The following NTRK2 variants were observed in gnomAD, a reference collection of about 807,000 sequenced individuals.
NTRK2 encodes neurotrophic receptor tyrosine kinase 2.
NTRK2 carries 13 observed loss-of-function variants against 94.5 expected under a neutral mutation model. The observed-to-expected ratio is 0.14, with a 90% CI of 0.09 to 0.22. The LOEUF (loss-of-function observed/expected upper bound fraction) is 0.22, where lower values mean the gene tolerates loss of function less well. NTRK2 is among the 10% of genes least tolerant of loss of function. The probability of loss-of-function intolerance (pLI) is 1.00; values close to 1 mark genes in which losing one functional copy is unlikely to be tolerated. For synonymous variants in NTRK2, 372 were observed against 407.4 expected (o/e 0.91, Z 1.05); for missense variants, 639 against 1,071.2 (o/e 0.60, Z 5.63).
rs191858403 is a variant in NTRK2, at chr9:84,765,081, T to A, written c.1396+12996T>A. 7.7e-3 allele frequency among the ~76,000 whole-genome samples: 1,172 copies of A among 151,686 alleles called. 19 individuals carry two copies. Among genetic ancestry groups the A allele is most frequent in the African/African-American group, 0.026 (1,088 of 41,354 alleles). On this transcript the variant is annotated intron_variant, in intron 12 of 18. Coordinates refer to ENST00000277120, the MANE Select transcript of NTRK2 (RefSeq NM_006180.6). The stretch of plus-strand genomic sequence containing the variant: ...GGAAGGGTAGTGAGGGATGCGGAGG[T>A]TGTGAGGATGGTTAATGAGTACAAA...
intron 12 of NTRK2, chr9:84,811,652 G>T (rs912442231): frequency 9.4e-7 from 1 of 1,065,156 alleles, no homozygotes; most frequent in Non-Finnish European, 1.1e-6. Flanking sequence ...CTGTCATACT[G>T]CTGGGTTTTC....
chr9:84,755,245 C>A (rs1332612643), intron 12 of NTRK2, among the ~76,000 whole-genome samples: 1 of 152,136 alleles, frequency 6.6e-6, no homozygotes, highest in Non-Finnish European at 1.5e-5. Context: ...CATCGTAAAC[C>A]AAATGCTGAT....
chr9:84,705,232 G>C (rs1319790828), intron 4 of NTRK2, among the ~76,000 whole-genome samples: 3 of 151,852 alleles, frequency 2.0e-5, no homozygotes, highest in Non-Finnish European at 4.4e-5. Flanking sequence ...CATCACATGG[G>C]GACTGCCCAG....
At chr9:84,932,435 G>T (rs12238534) in intron 14 of NTRK2, among the ~76,000 whole-genome samples, 18,901 of 152,132 alleles carry the variant, frequency 0.12, 1,386 homozygotes, top group East Asian at 0.23. Context: ...GTGCTTCAAA[G>T]TTACTGGTGA....
intron 17 of NTRK2, among the ~76,000 whole-genome samples, chr9:84,989,846 T>C (rs1828824859): frequency 6.6e-6 from 1 of 152,242 alleles, no homozygotes; most frequent in Admixed American, 6.5e-5. Flanking sequence ...TCAAAAAACG[T>C]CTTTGAAGGC....
chr9:84,919,598 T>C (rs2077499503), intron 14 of NTRK2, among the ~76,000 whole-genome samples: 2 of 152,222 alleles, frequency 1.3e-5, no homozygotes, highest in African/African-American at 4.8e-5. Context: ...GTCATTTTAA[T>C]GCTCAAATAA....
chr9:84,886,489 C>T (rs1392768313), intron 14 of NTRK2, among the ~76,000 whole-genome samples: 2 of 152,156 alleles, frequency 1.3e-5, no homozygotes, highest in Non-Finnish European at 2.9e-5. Context: ...AAGCTCAGGG[C>T]CACTGCCATT....
chr9:84,815,326 G>T (rs202191473), intron 12 of NTRK2: 3 of 1,047,944 alleles, frequency 2.9e-6, no homozygotes, highest in Non-Finnish European at 3.5e-6. Flanking sequence ...GAAAAAAAGT[G>T]TGAAAAGCAA....
chr9:84,940,718 C>T (rs2078378236), intron 15 of NTRK2, among the ~76,000 whole-genome samples: 1 of 150,386 alleles, frequency 6.6e-6, no homozygotes. Flanking sequence ...CACATTCTCT[C>T]CAATTCTGGA....
At chr9:84,901,719 G>A (rs902734050) in intron 14 of NTRK2, among the ~76,000 whole-genome samples, 1 of 152,016 alleles carries the variant, frequency 6.6e-6, no homozygotes, top group Non-Finnish European at 1.5e-5. Context: ...GGTGCTAAGA[G>A]TGAGCTAACC....
intron 2 of NTRK2, among the ~76,000 whole-genome samples, chr9:84,694,328 G>A (rs2060230956): frequency 6.6e-6 from 1 of 152,186 alleles, no homozygotes; most frequent in South Asian, 2.1e-4. Context: ...ACACCAGTTA[G>A]CACTCCATAA....
chr9:84,777,123 C>T (rs375939720), intron 12 of NTRK2, among the ~76,000 whole-genome samples: 1 of 152,108 alleles, frequency 6.6e-6, no homozygotes, highest in African/African-American at 2.4e-5. Context: ...CCAGTCTGGG[C>T]ATTCAGTTAA....
chr9:84,974,848 G>A (rs560998262), intron 17 of NTRK2, among the ~76,000 whole-genome samples: 12 of 152,250 alleles, frequency 7.9e-5, no homozygotes, highest in South Asian at 2.1e-4. Context: ...GGAAGTCGCC[G>A]GCTGTTTGGG....
chr9:84,680,745 G>T (rs999965263), intron 2 of NTRK2, among the ~76,000 whole-genome samples: 2 of 152,116 alleles, frequency 1.3e-5, no homozygotes, highest in Admixed American at 6.6e-5. Flanking sequence ...TATTCATTAT[G>T]TCTATTTTCC....
rs1483060461 is a variant in NTRK2, at chr9:84,994,010, C to T, written c.2173-26196C>T. On this transcript the variant is annotated intron_variant, in intron 17 of 18. Transcript: ENST00000277120. Reference sequence around the variant, plus strand: ...CAATATTTAGCCAGAACACTGGTTACAAAAACTGAAGTATTTTTATACAAG... The same window carrying T: ...CAATATTTAGCCAGAACACTGGTTATAAAAACTGAAGTATTTTTATACAAG... Among the ~76,000 whole-genome samples the T allele has an allele frequency of 3.3e-5, 5 of 152,148 alleles. No homozygotes were observed. In the East Asian group the frequency reaches 9.6e-4, roughly 29 times the overall value.
intron 14 of NTRK2, among the ~76,000 whole-genome samples, chr9:84,886,142 T>C (rs760804724): frequency 2.0e-5 from 3 of 152,224 alleles, no homozygotes; most frequent in Non-Finnish European, 2.9e-5. Context: ...CATAGGTATA[T>C]GAAATGTGTG....
At chr9:84,988,007 T>C (rs1465277404) in intron 17 of NTRK2, among the ~76,000 whole-genome samples, 1 of 152,252 alleles carries the variant, frequency 6.6e-6, no homozygotes. Context: ...TTAGCCCCCA[T>C]GGGGCTCTGC....
chr9:84,947,231 C>G (rs1449362398), intron 15 of NTRK2, among the ~76,000 whole-genome samples: 1 of 152,222 alleles, frequency 6.6e-6, no homozygotes, highest in Admixed American at 6.5e-5. Flanking sequence ...ACTGGGATTA[C>G]AGGCATGAGC....
rs148762874 is a variant in NTRK2 at position 84,864,062 on chromosome 9, G to A, written c.1444+2975G>A. 2.9e-3 allele frequency among the ~76,000 whole-genome samples: 435 copies of A among 152,274 alleles called. 2 individuals carry two copies. The highest frequency in any genetic ancestry group is 9.9e-3 in the African/African-American group (411 of 41,556). ...GTTGGACTCTTTAAGTGAGGGCTTC[G>A]CTGTGTACTTGGCAGAAGATTCAAA... is the stretch of plus-strand genomic sequence containing the variant. On this transcript the variant is annotated intron_variant, in intron 13 of 18. Transcript: ENST00000277120.
Sources: allele counts gnomAD v4.1 joint callset (sites outside exome capture counted in the v4.1 genomes callset), GRCh38; gene constraint gnomAD v4.1.1; transcripts MANE v1.5; gene names NCBI Gene and HGNC (gene_info 2026-07-23, HGNC 2026-07-21).